GBP2: variants seen among roughly 807,000 people sequenced by gnomAD.
The protein encoded by GBP2 is guanylate binding protein 2.
In GBP2, 54 loss-of-function variants were observed where a neutral mutation model predicts 60.8. The observed-to-expected ratio is 0.89, with a 90% CI of 0.71 to 1.11. The LOEUF is 1.11. GBP2 is among the 50% of genes most tolerant of loss of function. The pLI is 0.00. For missense variants in GBP2, 665 were observed against 703.3 expected (o/e 0.95, Z 0.62); for synonymous variants, 243 against 256.5 (o/e 0.95, Z 0.50).
In GBP2 at chr1:89,108,266, C is replaced by T. The variant is rs796170391; in HGVS notation, c.1685G>A (p.Gly562Glu). 2 of 1,612,544 alleles carry T rather than the reference C, an allele frequency of 1.2e-6. No individual in the cohort carries two copies. The highest frequency in any genetic ancestry group is 1.7e-6 in the Non-Finnish European group (2 of 1,178,766). ...LQEQERLLKE[G>E]FENESKRLQK... ...AAGTCTCTTGCTCTCATTCTCGAATCCCTCCTTGAGAAGGCGTTCCTGTTC... is the reference window on the plus strand; with the variant it reads ...AAGTCTCTTGCTCTCATTCTCGAATTCCTCCTTGAGAAGGCGTTCCTGTTC... Residue 562 changes from glycine to glutamate, a missense_variant, in exon 11 of 11, where the codon GGA becomes GAA. Physicochemically the swap from Gly to Glu is moderately conservative, Grantham distance 98. Transcript: ENST00000370466.
intron 1 of GBP2, among the ~76,000 whole-genome samples, chr1:89,124,802 T>G (rs963292494): frequency 1.3e-5 from 2 of 152,236 alleles, no homozygotes; most frequent in Admixed American, 1.3e-4. Flanking sequence ...AATCTGCTGA[T>G]TTTTTACTCA....
At position 89,114,019 on chromosome 1, in the gene GBP2, T is replaced by C; in HGVS notation, c.1146A>G (p.Leu382=). The part of the protein sequence containing the change: ...KDVDQMFQRK[L]GAQLEARRDD... ...TGACGTAGAACACCAAATATACCCC[T>C]AATTTCCTCTGGAACATTTGGTCCA... The change falls in exon 7 of 11, where the codon TTA becomes TTG. Residue 382 remains leucine (L), a synonymous_variant. Transcript: ENST00000370466. The C allele has an allele frequency of 6.2e-7, 1 of 1,614,198 alleles. No individual in the cohort carries two copies. Among genetic ancestry groups the C allele is most frequent in the Non-Finnish European group, 8.5e-7 (1 of 1,180,010 alleles).
chr1:89,117,023 A>C lies in GBP2; in HGVS notation c.837T>G (p.Thr279=), dbSNP rs1181770727. ...CATTGACTGGAATGCCACCTGAAAG[A>C]GTCTTGACATTGGAATGGCTGAGGA... The part of the protein sequence containing the change: ...SYILSHSNVK[T]LSGGIPVNGP... The change falls in exon 6 of 11, where the codon ACT becomes ACG. Residue 279 remains threonine, a synonymous_variant. Transcript: ENST00000370466. 1 of 1,614,004 alleles carries C rather than the reference A, an allele frequency of 6.2e-7. No individual in the cohort carries two copies. Among genetic ancestry groups the C allele is most frequent in the Non-Finnish European group, 8.5e-7 (1 of 1,179,906 alleles).
In GBP2 at chr1:89,109,713, C is replaced by T. The variant is rs146553595; in HGVS notation, c.1623G>A (p.Met541Ile). The change falls in exon 10 of 11, where the codon ATG (methionine) becomes ATA (isoleucine). Residue 541 changes from methionine (M) to isoleucine (I), a missense_variant. Physicochemically the swap from Met to Ile is conservative, Grantham distance 10 (BLOSUM62 1). Coordinates refer to ENST00000370466, the MANE Select transcript of GBP2 (RefSeq NM_004120.5). ...EKMERDRAQL[M>I]AEQEKTLALK... ...GAGCGAGGGTCTTCTCTTGCTCTGC[C>T]ATTAACTGGGCCCTGTCCCTCTCCA... 8.7e-6 allele frequency: 14 copies of T among 1,614,072 alleles called. No individual in the cohort carries two copies. In the African/African-American group the frequency reaches 1.7e-4, roughly 20 times the overall value.
intron 4 of GBP2, chr1:89,118,925 T>C (rs2100617865): frequency 6.6e-6 from 1 of 152,308 alleles, no homozygotes; most frequent in East Asian, 1.9e-4. Flanking sequence ...AAGATGTCTC[T>C]TACACATCTG....
intron 6 of GBP2, among the ~76,000 whole-genome samples, chr1:89,116,502 T>C (rs1681276426): frequency 6.6e-6 from 1 of 152,030 alleles, no homozygotes; most frequent in African/African-American, 2.4e-5. Flanking sequence ...AAGTATCTTT[T>C]GCTCCTATTA....
At chr1:89,114,494 TA>T (rs1223766441) in intron 6 of GBP2, among the ~76,000 whole-genome samples, 198 bp from the exon 7 acceptor site, 1 of 152,226 alleles carries the variant, frequency 6.6e-6, no homozygotes, top group Non-Finnish European at 1.5e-5. Flanking sequence ...AAAAGGAAGA[TA>T]TTGAAATGAA....
intron 6 of GBP2, among the ~76,000 whole-genome samples, chr1:89,115,511 C>T (rs531063829): frequency 2.6e-5 from 4 of 152,316 alleles, no homozygotes; most frequent in Non-Finnish European, 5.9e-5. Context: ...CTCTGCCAGT[C>T]CTTTCAAGAC....
intron 7 of GBP2, 172 bp from the exon 8 acceptor site, chr1:89,112,856 A>C (rs1681192608): frequency 1.0e-5 from 6 of 594,506 alleles, no homozygotes; most frequent in African/African-American, 7.4e-5. Flanking sequence ...TTATTGCAGA[A>C]ATTTATCTAC....
chr1:89,122,446 CAT>C (rs1318307653), intron 1 of GBP2, among the ~76,000 whole-genome samples: 1 of 152,154 alleles, frequency 6.6e-6, no homozygotes, highest in Non-Finnish European at 1.5e-5. Context: ...CCTTGTCTTT[CAT>C]GTCTTTGACA....
chr1:89,115,438 C>T (rs1377879228), intron 6 of GBP2, among the ~76,000 whole-genome samples: 1 of 152,174 alleles, frequency 6.6e-6, no homozygotes, highest in Non-Finnish European at 1.5e-5. Context: ...AACCTTACCT[C>T]ACTGCCAAAA....
intron 8 of GBP2, among the ~76,000 whole-genome samples, chr1:89,112,074 C>T (rs1037586565): frequency 6.6e-6 from 1 of 152,140 alleles, no homozygotes; most frequent in African/African-American, 2.4e-5. Flanking sequence ...GTAAGTGCAA[C>T]ATAAATGTTA....
intron 2 of GBP2, among the ~76,000 whole-genome samples, 197 bp from the exon 3 acceptor site, chr1:89,121,467 TG>T (rs1222930547): frequency 6.6e-6 from 1 of 152,240 alleles, no homozygotes; most frequent in African/African-American, 2.4e-5. Flanking sequence ...TAAAGTTCAT[TG>T]AAAGCTTGCT....
At chr1:89,120,064 TAAAG>T in intron 4 of GBP2, 111 bp downstream of exon 4, 1 of 696,988 alleles carries the variant, frequency 1.4e-6, no homozygotes, top group Admixed American at 2.6e-5. Flanking sequence ...TGAGATTTAT[TAAAG>T]AGAGGACTTA....
intron 8 of GBP2, among the ~76,000 whole-genome samples, chr1:89,112,172 G>A (rs543954109): frequency 2.0e-5 from 3 of 151,618 alleles, no homozygotes; most frequent in South Asian, 2.1e-4. Flanking sequence ...TTTAACTGCC[G>A]TATCCCCAGC....
At chr1:89,119,133 A>G (rs1681343243) in intron 4 of GBP2, 1 of 152,228 alleles carries the variant, frequency 6.6e-6, no homozygotes, top group South Asian at 2.1e-4. Context: ...AAAAGGAGAA[A>G]GAGGATAGAG....
In GBP2 at chr1:89,121,804, T is replaced by A. The variant is rs758780684; in HGVS notation, c.163A>T (p.Met55Leu). 6.2e-7 allele frequency: 1 copy of A among 1,614,036 alleles called. No homozygotes were observed. Among genetic ancestry groups the A allele is most frequent in the Non-Finnish European group, 8.5e-7 (1 of 1,179,954 alleles). ...GLYRTGKSYL[M>L]NKLAGKKNGF... ...TTTTTCTTCCCAGCCAGCTTGTTCATCAGGTAGGATTTGCCTGTGCGATAG... is the reference window on the plus strand; with the variant it reads ...TTTTTCTTCCCAGCCAGCTTGTTCAACAGGTAGGATTTGCCTGTGCGATAG... The change falls in exon 2 of 11, where the codon ATG (methionine) becomes TTG (leucine). Residue 55 changes from methionine (M) to leucine (L), a missense_variant. Physicochemically the swap from Met to Leu is conservative, Grantham distance 15. Transcript: ENST00000370466.
intron 7 of GBP2, among the ~76,000 whole-genome samples, chr1:89,113,644 T>TA (rs201301247): frequency 0.031 from 4,669 of 152,248 alleles, 80 homozygotes; most frequent in Middle Eastern, 0.065. Context: ...GGCTCACATT[T>TA]AAAAAAATTA....
At chr1:89,110,391 T>A in intron 8 of GBP2, 125 bp from the exon 9 acceptor site, 1 of 722,846 alleles carries the variant, frequency 1.4e-6, no homozygotes, top group Non-Finnish European at 2.4e-6. Context: ...TGCATACGCA[T>A]GTTTATAGCA....
Sources: allele counts gnomAD v4.1 joint callset (sites outside exome capture counted in the v4.1 genomes callset), GRCh38; gene constraint gnomAD v4.1.1; transcripts MANE v1.5; gene names NCBI Gene and HGNC (gene_info 2026-07-23, HGNC 2026-07-21).